RHBDD1: variants seen among roughly 807,000 people sequenced by gnomAD.
RHBDD1 encodes rhomboid domain containing 1.
Under a neutral mutation model 36.3 loss-of-function variants are expected in RHBDD1, and 38 were observed. The observed-to-expected ratio is 1.05, with a 90% CI of 0.81 to 1.37. The LOEUF (loss-of-function observed/expected upper bound fraction) is 1.37. RHBDD1 is among the 40% of genes most tolerant of loss of function. The pLI, the probability that RHBDD1 is intolerant of heterozygous loss-of-function variation, is 0.00. For synonymous variants in RHBDD1, 151 were observed against 136.5 expected (o/e 1.11, Z -0.74); for missense variants, 393 against 377.6 (o/e 1.04, Z -0.34).
At chr2:226,915,645 TTAG>T (rs1291553838) in intron 8 of RHBDD1, among the ~76,000 whole-genome samples, 1 of 152,120 alleles carries the variant, frequency 6.6e-6, no homozygotes, top group Non-Finnish European at 1.5e-5. Flanking sequence ...GAATATAGTC[TTAG>T]TAGCAACAGT....
At chr2:226,876,327 G>C (rs1945238960) in intron 5 of RHBDD1, among the ~76,000 whole-genome samples, 2 of 152,190 alleles carry the variant, frequency 1.3e-5, no homozygotes, top group Non-Finnish European at 2.9e-5. Context: ...AACTAGTGCA[G>C]TGACTGAGAG....
the RHBDD1 span, among the ~76,000 whole-genome samples, chr2:226,816,373 G>A: frequency 8.7e-6 from 1 of 115,144 alleles, no homozygotes; most frequent in African/African-American, 4.9e-5. Flanking sequence ...TGGGAATGGT[G>A]GCAAAAAAAA....
chr2:226,973,291 C>G (rs991571671), intron 8 of RHBDD1, among the ~76,000 whole-genome samples: 5 of 152,216 alleles, frequency 3.3e-5, no homozygotes, highest in African/African-American at 1.2e-4. Context: ...TGCCTGGCAT[C>G]AAGTTAAGGA....
chr2:226,830,442 G>A, the RHBDD1 span, among the ~76,000 whole-genome samples: 1 of 152,200 alleles, frequency 6.6e-6, no homozygotes, highest in Non-Finnish European at 1.5e-5. Context: ...AGCTCAAACA[G>A]ACTAAGACAG....
intron 7 of RHBDD1, among the ~76,000 whole-genome samples, chr2:226,910,100 G>A (rs1445961035): frequency 6.6e-6 from 1 of 152,172 alleles, no homozygotes; most frequent in Non-Finnish European, 1.5e-5. Context: ...GTAAGGATAT[G>A]AGATTGACAC....
At chr2:226,819,461 T>C in the RHBDD1 span, among the ~76,000 whole-genome samples, 2 of 152,200 alleles carry the variant, frequency 1.3e-5, no homozygotes, top group African/African-American at 4.8e-5. Context: ...TTAACCATTT[T>C]AAAAACCACT....
intron 5 of RHBDD1, among the ~76,000 whole-genome samples, chr2:226,876,824 A>G (rs779520947): frequency 2.6e-5 from 4 of 152,256 alleles, no homozygotes; most frequent in Non-Finnish European, 5.9e-5. Flanking sequence ...TAATTTATCA[A>G]TAATTCATTT....
chr2:226,981,442 A>C (rs1179025222), intron 8 of RHBDD1, among the ~76,000 whole-genome samples: 1 of 152,012 alleles, frequency 6.6e-6, no homozygotes, highest in East Asian at 1.9e-4. Flanking sequence ...CTTCAAAAAA[A>C]AAAAAAAGAT....
chr2:226,841,983 G>A (rs1192636151), intron 3 of RHBDD1, among the ~76,000 whole-genome samples: 1 of 152,074 alleles, frequency 6.6e-6, no homozygotes, highest in Non-Finnish European at 1.5e-5. Context: ...TTTAATAATA[G>A]CCATTCTGAC....
chr2:226,820,644 C>CAAAAAA, the RHBDD1 span, among the ~76,000 whole-genome samples: 2 of 63,542 alleles, frequency 3.1e-5, no homozygotes, highest in Non-Finnish European at 7.7e-5. Flanking sequence ...TCCATCTCCA[C>CAAAAAA]AAAAAAAAAA....
rs368260100 is a variant in RHBDD1, at chr2:226,866,471, A to G, written c.434-715A>G. 3.9e-5 allele frequency among the ~76,000 whole-genome samples: 6 copies of G among 152,294 alleles called. No homozygotes were observed. In the East Asian group the frequency reaches 9.6e-4, roughly 24 times the overall value. ...TATAGATGAGGAAGCCAAGACCCAG[A>G]GAAGTGAGGTTACTAGCACAAGGTT... On this transcript the variant is annotated intron_variant, in intron 4 of 8. Coordinates refer to ENST00000392062, the MANE Select transcript of RHBDD1 (RefSeq NM_001167608.3).
chr2:226,991,354 G>C (rs567649498), intron 8 of RHBDD1, among the ~76,000 whole-genome samples: 2 of 152,118 alleles, frequency 1.3e-5, no homozygotes, highest in East Asian at 3.9e-4. Context: ...GCTAATTTTT[G>C]TATTTTTAGT....
At chr2:226,819,607 T>C in the RHBDD1 span, among the ~76,000 whole-genome samples, 3 of 152,176 alleles carry the variant, frequency 2.0e-5, no homozygotes, top group Non-Finnish European at 2.9e-5. Flanking sequence ...GTACTTTCTG[T>C]TTAATTTTGC....
rs981702354 is a variant in RHBDD1 at position 226,996,373 on chromosome 2, T to C, written c.*851T>C. The C allele has an allele frequency of 6.6e-6, 1 of 152,246 alleles. No individual in the cohort carries two copies. Among genetic ancestry groups the C allele is most frequent in the African/African-American group, 2.4e-5 (1 of 41,462 alleles). The allele number at this position is 152,246 out of a possible 1,614,324, so 9.4% of individuals were successfully genotyped here. On this transcript the variant is annotated 3_prime_UTR_variant, in exon 9 of 9. Coordinates refer to ENST00000392062, the MANE Select transcript of RHBDD1 (RefSeq NM_001167608.3). ...GAAAGTATGTTTTTCCTCATAAAAG[T>C]GCCTCTTAATTGGCCATTGTACCAG...
intron 3 of RHBDD1, among the ~76,000 whole-genome samples, chr2:226,860,727 G>GT (rs1466423731): frequency 1.3e-5 from 2 of 152,116 alleles, no homozygotes; most frequent in Non-Finnish European, 2.9e-5. Flanking sequence ...GACTCAAAAC[G>GT]TATGTTCTAC....
chr2:226,819,255 C>A, the RHBDD1 span, among the ~76,000 whole-genome samples: 1 of 152,148 alleles, frequency 6.6e-6, no homozygotes, highest in African/African-American at 2.4e-5. Context: ...AGAATCTGGG[C>A]TAATTCATTT....
chr2:226,845,557 C>T (rs983471936), intron 3 of RHBDD1, among the ~76,000 whole-genome samples: 3 of 152,188 alleles, frequency 2.0e-5, no homozygotes, highest in South Asian at 2.1e-4. Context: ...TCCCAAAGCC[C>T]ATCTCTTTAC....
intron 3 of RHBDD1, among the ~76,000 whole-genome samples, chr2:226,852,901 T>TTTTTTATTA (rs1553543386): frequency 3.2e-5 from 4 of 125,204 alleles, no homozygotes; most frequent in Non-Finnish European, 6.5e-5. Context: ...ACCTGGCTAA[T>TTTTTTATTA]TTATTATTAT....
At chr2:226,826,517 A>ATT in the RHBDD1 span, among the ~76,000 whole-genome samples, 2,600 of 121,980 alleles carry the variant, frequency 0.021, 120 homozygotes, top group South Asian at 0.027. Context: ...ATCATGATAG[A>ATT]TTTTTTTTTT....
Sources: allele counts gnomAD v4.1 joint callset (sites outside exome capture counted in the v4.1 genomes callset), GRCh38; gene constraint gnomAD v4.1.1; transcripts MANE v1.5; gene names NCBI Gene and HGNC (gene_info 2026-07-23, HGNC 2026-07-21).